Variants in EYS observed in about 807,000 individuals in gnomAD.
EYS encodes EGF-like photoreceptor maintenance factor.
Under a neutral mutation model 282.1 loss-of-function variants are expected in EYS, and 250 were observed. That is an observed-to-expected ratio of 0.89 (90% CI 0.80 to 0.98). The LOEUF is 0.98. Ranked by LOEUF, EYS falls within the 50% of genes least tolerant of loss-of-function variation. The pLI is 0.00. For synonymous variants in EYS, 1,355 were observed against 1,282.9 expected (o/e 1.06, Z -1.20); for missense variants, 4,016 against 3,709.0 (o/e 1.08, Z -2.15).
intron 16 of EYS, among the ~76,000 whole-genome samples, chr6:64,907,754 G>A (rs1380801885): frequency 6.6e-6 from 1 of 152,050 alleles, no homozygotes; most frequent in African/African-American, 2.4e-5. Flanking sequence ...CCACTCACAT[G>A]CATGCCCAGA....
intron 22 of EYS, among the ~76,000 whole-genome samples, chr6:64,752,821 C>T (rs1177571123): frequency 6.6e-6 from 1 of 152,078 alleles, no homozygotes; most frequent in Non-Finnish European, 1.5e-5. Flanking sequence ...ATTGATACCT[C>T]AGAATACAGA....
chr6:64,004,211 T>C (rs561543829), intron 33 of EYS, among the ~76,000 whole-genome samples: 1 of 152,190 alleles, frequency 6.6e-6, no homozygotes, highest in Non-Finnish European at 1.5e-5. Flanking sequence ...TCTTCAACTG[T>C]TTTTAGACTA....
At chr6:65,297,201 G>T (rs1021087294) in intron 11 of EYS, among the ~76,000 whole-genome samples, 1 of 151,118 alleles carries the variant, frequency 6.6e-6, no homozygotes, top group Admixed American at 6.6e-5. Context: ...GAAAGCAAAA[G>T]ATGAAAAAAA....
intron 29 of EYS, among the ~76,000 whole-genome samples, chr6:64,369,397 CT>C (rs1772279022): frequency 1.3e-5 from 2 of 152,062 alleles, no homozygotes; most frequent in South Asian, 4.1e-4. Flanking sequence ...TATTCAGGCT[CT>C]TTTTTGGTTC....
chr6:65,052,953 C>T (rs759781266), intron 13 of EYS, among the ~76,000 whole-genome samples: 18 of 151,636 alleles, frequency 1.2e-4, no homozygotes, highest in Non-Finnish European at 2.2e-4. Flanking sequence ...AAAGATTCTA[C>T]AGATATCAAA....
At chr6:65,326,948 T>C (rs1375864713) in intron 11 of EYS, among the ~76,000 whole-genome samples, 2 of 151,678 alleles carry the variant, frequency 1.3e-5, no homozygotes, top group Non-Finnish European at 3.0e-5. Flanking sequence ...TTAAATCAAT[T>C]CTTTTATTTT....
At chr6:64,648,665 T>G (rs2149876571) in intron 22 of EYS, among the ~76,000 whole-genome samples, 1 of 152,260 alleles carries the variant, frequency 6.6e-6, no homozygotes, top group East Asian at 1.9e-4. Flanking sequence ...GGTAAACGAT[T>G]TATAATCATC....
At chr6:64,984,641 A>G (rs542862314) in intron 14 of EYS, among the ~76,000 whole-genome samples, 7 of 151,588 alleles carry the variant, frequency 4.6e-5, no homozygotes, top group Non-Finnish European at 7.4e-5. Flanking sequence ...TACATTATTG[A>G]TAGACGAGAC....
In EYS at chr6:64,200,662, C is replaced by T. The variant is rs570794660; in HGVS notation, c.6424+29930G>A. ...ATTTTGATGTGGAACAGGAGAGAAG[C>T]AGAAAAATAAGTGGATCCTGATAAA... On this transcript the variant is annotated intron_variant, in intron 31 of 42. Transcript: ENST00000503581. Among the ~76,000 whole-genome samples the T allele has an allele frequency of 5.7e-4, 86 of 152,150 alleles. 1 individual carries two copies. The highest frequency in any genetic ancestry group is 6.0e-4 in the Non-Finnish European group (41 of 67,990).
intron 35 of EYS, among the ~76,000 whole-genome samples, chr6:63,922,667 T>C (rs1764606363): frequency 6.6e-6 from 1 of 152,230 alleles, no homozygotes; most frequent in African/African-American, 2.4e-5. Flanking sequence ...TAACTTCTCA[T>C]ACCTCACTAT....
At chr6:64,528,357 T>C (rs1003008394) in intron 26 of EYS, among the ~76,000 whole-genome samples, 5 of 151,820 alleles carry the variant, frequency 3.3e-5, no homozygotes, top group Non-Finnish European at 4.4e-5. Flanking sequence ...CAATCTCTTA[T>C]TACATAGTCT....
intron 13 of EYS, among the ~76,000 whole-genome samples, chr6:65,021,413 C>T (rs1466854602): frequency 6.6e-6 from 1 of 152,186 alleles, no homozygotes. Context: ...TTCCTCATCT[C>T]CATATGAGAC....
chr6:64,575,513 T>C (rs1765854850), intron 26 of EYS, among the ~76,000 whole-genome samples: 2 of 152,204 alleles, frequency 1.3e-5, no homozygotes, highest in South Asian at 4.1e-4. Context: ...AAGAACTGCC[T>C]CAGAGCATCA....
At chr6:64,937,304 TC>T (rs1487506400) in intron 15 of EYS, among the ~76,000 whole-genome samples, 1 of 151,542 alleles carries the variant, frequency 6.6e-6, no homozygotes, top group African/African-American at 2.4e-5. Context: ...CAATTGGTTG[TC>T]CTCAAAATTA....
At chr6:65,020,350 G>T (rs996555466) in intron 13 of EYS, among the ~76,000 whole-genome samples, 10 of 152,136 alleles carry the variant, frequency 6.6e-5, no homozygotes, top group African/African-American at 2.2e-4. Context: ...CATTTCAAAA[G>T]GGAGAAATTA....
intron 22 of EYS, among the ~76,000 whole-genome samples, chr6:64,734,728 A>T (rs1259929838): frequency 1.3e-5 from 2 of 152,166 alleles, no homozygotes; most frequent in African/African-American, 4.8e-5. Flanking sequence ...CCACATGGGG[A>T]AGAGTAGAGA....
intron 11 of EYS, chr6:65,330,189 A>G (rs991893872): frequency 6.1e-6 from 6 of 977,210 alleles, no homozygotes; most frequent in Non-Finnish European, 7.3e-6. Flanking sequence ...TATGTATAGT[A>G]CATTACCTGG....
chr6:63,964,939 A>T (rs139341260), intron 35 of EYS, among the ~76,000 whole-genome samples: 40 of 152,358 alleles, frequency 2.6e-4, no homozygotes, highest in African/African-American at 9.4e-4. Flanking sequence ...AATAAAAACA[A>T]TCTTCACCAT....
chr6:64,456,932 T>C (rs1368764393), intron 26 of EYS, among the ~76,000 whole-genome samples: 1 of 152,032 alleles, frequency 6.6e-6, no homozygotes, highest in African/African-American at 2.4e-5. Flanking sequence ...ATACATTACC[T>C]AATTCATTCT....
Sources: gnomAD v4.1 joint callset for allele counts (sites outside exome capture counted in the v4.1 genomes callset) on GRCh38, gnomAD v4.1.1 for gene constraint, MANE v1.5 for transcripts, NCBI Gene and HGNC (gene_info 2026-07-23, HGNC 2026-07-21) for gene names.